EPRS1: variants seen among roughly 807,000 people sequenced by gnomAD.
EPRS1 encodes bifunctional glutamate/proline--tRNA ligase.
A neutral mutation model predicts 188.3 loss-of-function variants in EPRS1; 107 were observed. The observed-to-expected ratio is 0.57, with a 90% confidence interval of 0.49 to 0.67. EPRS1 has a LOEUF of 0.67. Ranked by LOEUF, EPRS1 falls within the 30% of genes least tolerant of loss-of-function variation. EPRS1 has a pLI of 0.00. For synonymous variants in EPRS1, 596 were observed against 593.1 expected (o/e 1.00, Z -0.07); for missense variants, 1,577 against 1,802.2 (o/e 0.88, Z 2.26).
intron 28 of EPRS1, among the ~76,000 whole-genome samples, chr1:219,973,817 A>T (rs1285723820): frequency 6.6e-6 from 1 of 152,202 alleles, no homozygotes. Context: ...CTGGTTGAAA[A>T]GTCCTCATTC....
In EPRS1 at chr1:219,988,720, C is replaced by T; in HGVS notation, c.2645G>A (p.Ser882Asn). 1 of 1,613,924 alleles carries T rather than the reference C, an allele frequency of 6.2e-7. No individual in the cohort carries two copies. The highest frequency in any genetic ancestry group is 8.5e-7 in the Non-Finnish European group (1 of 1,179,846). The change falls in exon 19 of 32, where the codon AGT becomes AAT. Residue 882 changes from serine (S) to asparagine (N), a missense_variant. Physicochemically the swap from Ser to Asn is conservative, Grantham distance 46 (BLOSUM62 1). This residue lies in a region of EPRS1 where 1,278 missense variants were observed against 1,457.4 expected (regional missense o/e 0.88). Transcript: ENST00000366923. ...YIPGQPPLSQSSDSSPTRNSE... is the reference protein window; with the variant it reads ...YIPGQPPLSQNSDSSPTRNSE... Reference sequence around the variant, plus strand: ...ATTTCTGGTTGGGCTTGAATCCGAACTTTGAGATAATGGGGGCTGACCAGG... The same window carrying T: ...ATTTCTGGTTGGGCTTGAATCCGAATTTTGAGATAATGGGGGCTGACCAGG...
Position 219,987,402 on chromosome 1 carries a change from A to G in EPRS1, c.2778T>C (p.Asp926=), listed in dbSNP as rs752299222. Residue 926 remains aspartate, a splice_region_variant and synonymous_variant, in exon 20 of 32, where the codon GAT becomes GAC. Transcript: ENST00000366923. ...RKLKTEKAPK[D]QVDIAVQELL... ...GTTCTTGAACAGCTATATCTACTTG[A>G]TCCTTTAGTTTAACAAAAGAGGAAA... 1 of 1,588,854 alleles carries G rather than the reference A, an allele frequency of 6.3e-7. No homozygotes were observed. Among genetic ancestry groups the G allele is most frequent in the Admixed American group, 1.8e-5 (1 of 54,476 alleles).
intron 12 of EPRS1, among the ~76,000 whole-genome samples, chr1:220,011,560 G>A (rs947424257): frequency 1.3e-5 from 2 of 152,172 alleles, no homozygotes; most frequent in African/African-American, 4.8e-5. Flanking sequence ...CAATTCTATA[G>A]ATTAAAAGTA....
intron 6 of EPRS1, 74 bp from the exon 7 acceptor site, chr1:220,025,332 GA>G (rs1191851268): frequency 4.1e-6 from 5 of 1,210,140 alleles, no homozygotes; most frequent in Non-Finnish European, 5.6e-6. Flanking sequence ...CCTTTTTGAG[GA>G]GATGAGAACT....
chr1:220,046,313 C>T, intron 1 of EPRS1, 30 bp downstream of exon 1: 1 of 1,613,876 alleles, frequency 6.2e-7, no homozygotes, highest in Non-Finnish European at 8.5e-7. Context: ...CTGATGCAAC[C>T]CACACAGGTC....
chr1:220,034,462 ATAAAGC>A (rs199634951), intron 3 of EPRS1, among the ~76,000 whole-genome samples: 5,455 of 152,276 alleles, frequency 0.036, 293 homozygotes, highest in African/African-American at 0.12. Context: ...ATGATTGTAT[ATAAAGC>A]TAATTTACTA....
At chr1:219,977,532 C>T (rs1462434308) in intron 28 of EPRS1, among the ~76,000 whole-genome samples, 1 of 152,000 alleles carries the variant, frequency 6.6e-6, no homozygotes, top group African/African-American at 2.4e-5. Context: ...CATTTTATAG[C>T]CCAGGTTAAG....
intron 13 of EPRS1, 52 bp from the exon 14 acceptor site, chr1:220,007,390 C>G (rs1445770173): frequency 6.4e-7 from 1 of 1,558,700 alleles, no homozygotes; most frequent in African/African-American, 1.4e-5. Context: ...CTTATTGAAC[C>G]CAGTATGCAA....
Position 220,027,407 on chromosome 1 carries a change from G to A in EPRS1, c.624-2149C>T, listed in dbSNP as rs1342396663. ...CGTGCCACTGCACTCCAGCCCGGGC[G>A]ACAGAGCAAGACTCCATCTCAAAAA... On this transcript the variant is annotated intron_variant, in intron 6 of 31. Transcript: ENST00000366923. Among the ~76,000 whole-genome samples the A allele has an allele frequency of 5.0e-5, 7 of 139,730 alleles. No homozygotes were observed. The East Asian group carries it at 1.1e-3, about 22-fold the overall frequency. 91.7% of individuals were successfully genotyped at this position (139,730 alleles called of 152,430 possible). A position where few individuals can be genotyped will look rare whatever the true frequency, so the allele number is the denominator to read the frequency against.
chr1:219,979,906 A>G (rs1660859726), intron 26 of EPRS1, among the ~76,000 whole-genome samples, 179 bp downstream of exon 26: 1 of 152,216 alleles, frequency 6.6e-6, no homozygotes, highest in Non-Finnish European at 1.5e-5. Context: ...GATACATACT[A>G]TGACTTAACG....
chr1:219,992,880 T>G (rs140527732), intron 18 of EPRS1, among the ~76,000 whole-genome samples: 157 of 152,156 alleles, frequency 1.0e-3, no homozygotes, highest in African/African-American at 3.7e-3. Context: ...GATCTCACCA[T>G]TGCACTCCAG....
chr1:220,018,590 G>GGAA lies in EPRS1; in HGVS notation c.1435-83_1435-82insTTC. Reference sequence around the variant, plus strand: ...CTTTATTTCATGCTAAGCATGTTTAGAAAAAAAAAAAAAACTCGATAAATA... The same window carrying GGAA: ...CTTTATTTCATGCTAAGCATGTTTAGGAAAAAAAAAAAAAAAACTCGATAAATA... On this transcript the variant is annotated intron_variant, in intron 11 of 31. Transcript: ENST00000366923. 46 of 615,294 alleles carry GGAA rather than the reference G, an allele frequency of 7.5e-5. No individual in the cohort carries two copies. The South Asian group carries it at 8.6e-4, about 11-fold the overall frequency. 38.1% of individuals were successfully genotyped at this position (615,294 alleles called of 1,614,324 possible).
chr1:219,982,618 A>C (rs574685406), intron 23 of EPRS1, 154 bp downstream of exon 23: 1 of 601,326 alleles, frequency 1.7e-6, no homozygotes, highest in African/African-American at 1.9e-5. Context: ...ACTCTAGACA[A>C]CTTAAGTTTG....
intron 5 of EPRS1, among the ~76,000 whole-genome samples, chr1:220,032,036 A>C (rs1162504145): frequency 1.3e-5 from 2 of 152,108 alleles, no homozygotes; most frequent in African/African-American, 4.8e-5. Flanking sequence ...GAGTAGGAAT[A>C]ATTGTCTTTT....
At chr1:219,995,456 A>T (rs1009114524) in intron 18 of EPRS1, among the ~76,000 whole-genome samples, 2 of 152,236 alleles carry the variant, frequency 1.3e-5, no homozygotes, top group African/African-American at 4.8e-5. Flanking sequence ...AGGAGTACAT[A>T]TTTAGTGTCC....
At chr1:219,977,857 G>T (rs376920311) in intron 28 of EPRS1, among the ~76,000 whole-genome samples, 32 of 152,218 alleles carry the variant, frequency 2.1e-4, no homozygotes, top group Admixed American at 7.2e-4. Flanking sequence ...GCATGCAGCT[G>T]CAATCTCAAT....
At chr1:219,969,966 C>A (rs539113322) in intron 30 of EPRS1, among the ~76,000 whole-genome samples, 1 of 152,082 alleles carries the variant, frequency 6.6e-6, no homozygotes, top group Non-Finnish European at 1.5e-5. Context: ...GAATTACAGG[C>A]GTGTGCCACC....
Position 219,997,214 on chromosome 1 carries a change from C to G in EPRS1, c.2310G>C (p.Lys770Asn). The stretch of plus-strand genomic sequence containing the variant: ...CATCTACATCTTCCTTTGGTGCTTT[C>G]TTGGCTTTTAATTCACGAACCACAT... ...QGDVVRELKA[K>N]KAPKEDVDAA... The change falls in exon 18 of 32, where the codon AAG (lysine) becomes AAC (asparagine). Residue 770 changes from lysine to asparagine, a missense_variant. Coordinates refer to ENST00000366923, the MANE Select transcript of EPRS1 (RefSeq NM_004446.3). 6.2e-7 allele frequency: 1 copy of G among 1,614,074 alleles called. No individual in the cohort carries two copies.
At chr1:220,038,596 C>A (rs1442703151) in intron 2 of EPRS1, among the ~76,000 whole-genome samples, 2 of 151,336 alleles carry the variant, frequency 1.3e-5, no homozygotes, top group Non-Finnish European at 1.5e-5. Context: ...CCAGGCTGGT[C>A]TCAAACTGCT....
Sources: allele counts gnomAD v4.1 joint callset (sites outside exome capture counted in the v4.1 genomes callset), GRCh38; gene constraint gnomAD v4.1.1; regional missense constraint gnomAD v4.1.1; transcripts MANE v1.5; gene names NCBI Gene and HGNC (gene_info 2026-07-23, HGNC 2026-07-21).